SPAG16: variants seen among roughly 807,000 people sequenced by gnomAD.
The protein encoded by SPAG16 is sperm associated antigen 16, also known as sperm-associated antigen 16 protein.
SPAG16 carries 86 observed loss-of-function variants against 80.4 expected under a neutral mutation model. That is an observed-to-expected ratio of 1.07 (90% CI 0.90 to 1.28). SPAG16 has a LOEUF of 1.28. SPAG16 is among the 50% of genes most tolerant of loss of function. The pLI, the probability that SPAG16 is intolerant of heterozygous loss-of-function variation, is 0.00. For missense variants in SPAG16, 870 were observed against 765.3 expected, an observed-to-expected ratio of 1.14 and a Z score of -1.61; for synonymous variants, 294 against 265.9, an observed-to-expected ratio of 1.11 and a Z score of -1.03.
At chr2:213,336,213 C>T (rs963671213) in intron 5 of SPAG16, among the ~76,000 whole-genome samples, 7 of 152,218 alleles carry the variant, frequency 4.6e-5, no homozygotes, top group South Asian at 2.1e-4. Flanking sequence ...TGCGAGCCCA[C>T]GCCACCAGGG....
chr2:214,146,515 A>C, intron 14 of SPAG16, among the ~76,000 whole-genome samples: 1 of 152,166 alleles, frequency 6.6e-6, no homozygotes, highest in East Asian at 1.9e-4. Flanking sequence ...ACTTTTAGGT[A>C]ACCTTTGTGG....
At chr2:213,702,307 C>T (rs964210634) in intron 10 of SPAG16, among the ~76,000 whole-genome samples, 3 of 152,218 alleles carry the variant, frequency 2.0e-5, no homozygotes, top group Non-Finnish European at 2.9e-5. Flanking sequence ...GAGCCAGCTG[C>T]GGCAACCCGC....
At chr2:214,193,424 TATGAGAGA>T (rs144388256) in intron 15 of SPAG16, among the ~76,000 whole-genome samples, 1 of 75,330 alleles carries the variant, frequency 1.3e-5, no homozygotes, top group Non-Finnish European at 3.4e-5. Context: ...TGTGTGTGTG[TATGAGAGA>T]GAGAGAGAGA....
chr2:214,017,346 T>G lies in SPAG16; in HGVS notation c.1527+3269T>G, dbSNP rs182110460. Reference sequence around the variant, plus strand: ...TTCAATATATTTTGAACTAAAAACTTAGATGTGAAGTTTGTATAAAAGTGA... The same window carrying G: ...TTCAATATATTTTGAACTAAAAACTGAGATGTGAAGTTTGTATAAAAGTGA... On this transcript the variant is annotated intron_variant, in intron 13 of 15. Coordinates refer to ENST00000331683, the MANE Select transcript of SPAG16 (RefSeq NM_024532.5). 2.6e-3 allele frequency among the ~76,000 whole-genome samples: 402 copies of G among 152,184 alleles called. 3 individuals carry two copies. Among genetic ancestry groups the G allele is most frequent in the African/African-American group, 9.2e-3 (383 of 41,526 alleles).
At chr2:213,348,827 A>C (rs923192348) in intron 6 of SPAG16, among the ~76,000 whole-genome samples, 1 of 152,002 alleles carries the variant, frequency 6.6e-6, no homozygotes, top group Non-Finnish European at 1.5e-5. Flanking sequence ...CCTTCATTTC[A>C]ACTTTGGTGA....
chr2:213,304,634 G>A (rs1167798049), intron 3 of SPAG16, among the ~76,000 whole-genome samples: 1 of 152,078 alleles, frequency 6.6e-6, no homozygotes, highest in African/African-American at 2.4e-5. Context: ...CGAAGACACT[G>A]TCTTTTCCCC....
At chr2:213,351,586 A>G (rs2065329546) in intron 7 of SPAG16, among the ~76,000 whole-genome samples, 1 of 152,304 alleles carries the variant, frequency 6.6e-6, no homozygotes, top group South Asian at 2.1e-4. Flanking sequence ...CAGTTTTTTT[A>G]GAATATATAA....
At chr2:213,794,801 G>C (rs1271253372) in intron 10 of SPAG16, among the ~76,000 whole-genome samples, 1 of 152,062 alleles carries the variant, frequency 6.6e-6, no homozygotes, top group Non-Finnish European at 1.5e-5. Context: ...ATTTGGATAA[G>C]ATAAACATCT....
At chr2:213,589,200 A>G (rs1268854622) in intron 10 of SPAG16, among the ~76,000 whole-genome samples, 8 of 152,206 alleles carry the variant, frequency 5.3e-5, no homozygotes, top group Non-Finnish European at 1.0e-4. Context: ...TGTTGGGCTA[A>G]TGTAAATTGC....
At chr2:213,790,499 C>A (rs2070627161) in intron 10 of SPAG16, among the ~76,000 whole-genome samples, 1 of 151,258 alleles carries the variant, frequency 6.6e-6, no homozygotes, top group Non-Finnish European at 1.5e-5. Context: ...GATTATTTTT[C>A]TTTTTTTTGT....
intron 9 of SPAG16, among the ~76,000 whole-genome samples, chr2:213,430,863 A>G (rs1300343512): frequency 1.3e-5 from 2 of 152,212 alleles, no homozygotes; most frequent in Non-Finnish European, 2.9e-5. Context: ...AGGAAACTCT[A>G]TCAGACCAAG....
chr2:213,434,965 A>G (rs1212133588), intron 9 of SPAG16, among the ~76,000 whole-genome samples: 1 of 152,336 alleles, frequency 6.6e-6, no homozygotes, highest in Admixed American at 6.5e-5. Flanking sequence ...CTAGGTATCT[A>G]CCCAAAAGAA....
intron 14 of SPAG16, among the ~76,000 whole-genome samples, chr2:214,137,309 G>T (rs1364421971): frequency 6.6e-6 from 1 of 151,620 alleles, no homozygotes; most frequent in African/African-American, 2.4e-5. Context: ...ATAATCTTCG[G>T]CAATGCCATT....
At chr2:213,816,142 T>G (rs978043915) in intron 10 of SPAG16, among the ~76,000 whole-genome samples, 1 of 152,184 alleles carries the variant, frequency 6.6e-6, no homozygotes, top group Admixed American at 6.5e-5. Flanking sequence ...TTCCTGCTGT[T>G]TTTGAAACTT....
At chr2:213,412,418 T>C (rs2069025816) in intron 9 of SPAG16, among the ~76,000 whole-genome samples, 1 of 152,132 alleles carries the variant, frequency 6.6e-6, no homozygotes, top group African/African-American at 2.4e-5. Flanking sequence ...TAGAAGTAAC[T>C]TGCCTTGCTG....
At chr2:213,989,750 G>A (rs2046189286) in intron 12 of SPAG16, among the ~76,000 whole-genome samples, 1 of 152,058 alleles carries the variant, frequency 6.6e-6, no homozygotes, top group South Asian at 2.1e-4. Flanking sequence ...TCAAATCGAT[G>A]TCAGACATTT....
At chr2:213,862,069 T>G (rs982353581) in intron 10 of SPAG16, among the ~76,000 whole-genome samples, 6 of 152,230 alleles carry the variant, frequency 3.9e-5, no homozygotes. Flanking sequence ...ATGGCTGATT[T>G]AAGACATATT....
At chr2:213,966,727 G>A (rs114341277) in intron 12 of SPAG16, among the ~76,000 whole-genome samples, 6,516 of 151,980 alleles carry the variant, frequency 0.043, 169 homozygotes, top group South Asian at 0.11. Context: ...ACCTTACACC[G>A]TGTTTAAACA....
chr2:214,351,526 C>T (rs1698403565), intron 15 of SPAG16, among the ~76,000 whole-genome samples: 1 of 94,342 alleles, frequency 1.1e-5, no homozygotes, highest in Admixed American at 1.2e-4. Context: ...ACGGTGAAAC[C>T]CCGTTTCTAC....
Sources: gnomAD v4.1 joint callset for allele counts (sites outside exome capture counted in the v4.1 genomes callset) on GRCh38, gnomAD v4.1.1 for gene constraint, MANE v1.5 for transcripts, NCBI Gene and HGNC (gene_info 2026-07-23, HGNC 2026-07-21) for gene names.